Variants in MX2 observed in about 807,000 individuals in gnomAD.
MX2 encodes interferon-induced GTP-binding protein Mx2.
A neutral mutation model predicts 74.0 loss-of-function variants in MX2; 51 were observed. The observed-to-expected ratio is 0.69, with a 90% CI of 0.55 to 0.87. MX2 has a LOEUF of 0.87. Among genes scored for constraint, MX2 ranks in the 40% least tolerant of loss-of-function variants. The pLI is 0.00. For missense variants in MX2, 832 were observed against 908.7 expected, an observed-to-expected ratio of 0.92 and a Z score of 1.09; for synonymous variants, 369 against 339.3, an observed-to-expected ratio of 1.09 and a Z score of -0.96.
intron 7 of MX2, 21 bp downstream of exon 7, chr21:41,395,806 T>G (rs440364): frequency 1.2e-6 from 2 of 1,612,912 alleles, no homozygotes; most frequent in Non-Finnish European, 1.7e-6. Flanking sequence ...TCAGGAAAGC[T>G]CTGGAATTAG....
intron 1 of MX2, among the ~76,000 whole-genome samples, chr21:41,369,302 G>A (rs890286040): frequency 2.0e-5 from 3 of 152,184 alleles, no homozygotes; most frequent in Non-Finnish European, 4.4e-5. Flanking sequence ...TCCTCCCAGT[G>A]AGGAGGGACC....
chr21:41,377,371 G>GT (rs1226413910), intron 2 of MX2, among the ~76,000 whole-genome samples: 1 of 152,206 alleles, frequency 6.6e-6, no homozygotes, highest in Non-Finnish European at 1.5e-5. Context: ...GGGCTTCTGT[G>GT]TGCGGGGGTC....
At chr21:41,381,684 CAAAA>C (rs57350601) in intron 4 of MX2, among the ~76,000 whole-genome samples, 7 of 58,444 alleles carry the variant, frequency 1.2e-4, no homozygotes, top group Admixed American at 1.1e-3. Context: ...GACTCTGTCT[CAAAA>C]AAAAAAAAAA....
rs779257848 is a variant in MX2, at chr21:41,376,902, A to G, written c.-5A>G. 14 of 1,613,498 alleles carry G rather than the reference A, an allele frequency of 8.7e-6. No individual in the cohort carries two copies. The highest frequency in any genetic ancestry group is 1.2e-5 in the Non-Finnish European group (14 of 1,179,656). On this transcript the variant is annotated 5_prime_UTR_variant, in exon 2 of 14. Coordinates refer to ENST00000330714, the MANE Select transcript of MX2 (RefSeq NM_002463.2). The stretch of plus-strand genomic sequence containing the variant: ...CATCCCCCAGCTCTGACAGGGAGAC[A>G]GCACATGTCTAAGGCCCACAAGCCT...
At chr21:41,375,930 C>T (rs900338081) in intron 1 of MX2, among the ~76,000 whole-genome samples, 4 of 152,212 alleles carry the variant, frequency 2.6e-5, no homozygotes, top group African/African-American at 4.8e-5. Context: ...GTCATTGGCC[C>T]TCCCGGATGT....
Position 41,402,425 on chromosome 21 carries a change from G to GT in MX2, c.1573+297_1573+298insT, listed in dbSNP as rs1316983379. On this transcript the variant is annotated intron_variant, in intron 11 of 13. Transcript: ENST00000330714. This position sits in a 1 kb window ranked among gnomAD's most constrained non-coding sequence, Gnocchi z 4.5. The stretch of plus-strand genomic sequence containing the variant: ...ATCGCTGTCCTTCAAACACGTGGAG[G>GT]AGGCGGGGAAGATGGTTTCTCTTGT... 2.0e-5 allele frequency among the ~76,000 whole-genome samples: 3 copies of GT among 152,230 alleles called. No homozygotes were observed. The highest frequency in any genetic ancestry group is 7.2e-5 in the African/African-American group (3 of 41,464).
intron 8 of MX2, 80 bp from the exon 9 acceptor site, chr21:41,398,817 G>T: frequency 1.3e-6 from 2 of 1,544,876 alleles, no homozygotes; most frequent in Non-Finnish European, 1.8e-6. Flanking sequence ...TGCTTTAAAG[G>T]GCTCCTACTC....
intron 6 of MX2, among the ~76,000 whole-genome samples, chr21:41,393,153 A>G (rs1051646910): frequency 5.3e-5 from 8 of 151,816 alleles, no homozygotes; most frequent in African/African-American, 1.9e-4. Flanking sequence ...AAGAAAAAAA[A>G]AAGAAAATTG....
rs533140262 is a variant in MX2 at position 41,409,069 on chromosome 21, T to G, written c.*836T>G. 6.6e-6 allele frequency: 1 copy of G among 152,220 alleles called. No individual in the cohort carries two copies. Among genetic ancestry groups the G allele is most frequent in the South Asian group, 2.1e-4 (1 of 4,820 alleles). 9.4% of individuals were successfully genotyped at this position (152,220 alleles called of 1,614,324 possible). A position where few individuals can be genotyped will look rare whatever the true frequency, so the allele number is the denominator to read the frequency against. Reference sequence around the variant, plus strand: ...GGGAGACCCTGTCTCTAAAAAAATTTGTTTGTAAGTAGCCAGACATGGTGG... The same window carrying G: ...GGGAGACCCTGTCTCTAAAAAAATTGGTTTGTAAGTAGCCAGACATGGTGG... On this transcript the variant is annotated 3_prime_UTR_variant, in exon 14 of 14. Coordinates refer to ENST00000330714, the MANE Select transcript of MX2 (RefSeq NM_002463.2).
chr21:41,401,685 G>GTTTTT (rs5844074), intron 10 of MX2: 29 of 190,888 alleles, frequency 1.5e-4, no homozygotes, highest in South Asian at 5.1e-4. Context: ...TTCTAATCAG[G>GTTTTT]TTTTTTTTTT....
At chr21:41,390,085 G>A (rs2145922915) in intron 5 of MX2, 1 of 154,782 alleles carries the variant, frequency 6.5e-6, no homozygotes, top group Admixed American at 6.3e-5. Context: ...CTGCCTCTGG[G>A]GAACTGTGTG....
At position 41,388,412 on chromosome 21, in the gene MX2, G is replaced by A. The variant is rs571426754; in HGVS notation, c.733-2153G>A. 2.6e-5 allele frequency among the ~76,000 whole-genome samples: 4 copies of A among 152,142 alleles called. No homozygotes were observed. The highest frequency in any genetic ancestry group is 6.6e-5 in the Admixed American group (1 of 15,266). Reference sequence around the variant, plus strand: ...CTTCCCACTGCCCGGTGCTCTGCCCGCATGGCTCTCCGCAGAGGGCATCCT... The same window carrying A: ...CTTCCCACTGCCCGGTGCTCTGCCCACATGGCTCTCCGCAGAGGGCATCCT... On this transcript the variant is annotated intron_variant, in intron 5 of 13. Transcript: ENST00000330714. This position sits in a 1 kb window ranked among gnomAD's most constrained non-coding sequence, Gnocchi z 4.0.
chr21:41,376,268 T>C (rs1315069456), intron 1 of MX2, among the ~76,000 whole-genome samples: 1 of 152,164 alleles, frequency 6.6e-6, no homozygotes, highest in Non-Finnish European at 1.5e-5. Flanking sequence ...GTGTGGTGGC[T>C]CACGACTGTA....
At position 41,408,047 on chromosome 21, in the gene MX2, C is replaced by T. The variant is rs370470949; in HGVS notation, c.1962C>T (p.Leu654=). ...QIPFIIQYFM[L]RENGDSLQKA... ...CATTTATAATTCAGTATTTTATGCT[C>T]CGAGAGAATGGTGACTCCTTGCAGA... Residue 654 remains leucine, a synonymous_variant, in exon 14 of 14, where the codon CTC becomes CTT. Transcript: ENST00000330714. 1 of 1,614,134 alleles carries T rather than the reference C, an allele frequency of 6.2e-7. No individual in the cohort carries two copies. The highest frequency in any genetic ancestry group is 8.5e-7 in the Non-Finnish European group (1 of 1,180,016).
rs188810672 is a variant in MX2 at position 41,408,417 on chromosome 21, C to T, written c.*184C>T. On this transcript the variant is annotated 3_prime_UTR_variant, in exon 14 of 14. Coordinates refer to ENST00000330714, the MANE Select transcript of MX2 (RefSeq NM_002463.2). ...CACACAGGCTCAGCTCTCTCCACCACCCAGCTCTTCCCTGACCTTCACGAA... is the reference window on the plus strand; with the variant it reads ...CACACAGGCTCAGCTCTCTCCACCATCCAGCTCTTCCCTGACCTTCACGAA... 7.9e-6 allele frequency: 6 copies of T among 757,486 alleles called. No individual in the cohort carries two copies. The highest frequency in any genetic ancestry group is 5.5e-5 in the East Asian group (2 of 36,674). The allele number at this position is 757,486 out of a possible 1,614,324, so 46.9% of individuals were successfully genotyped here.
intron 1 of MX2, among the ~76,000 whole-genome samples, chr21:41,375,807 A>C (rs948876151): frequency 2.6e-5 from 4 of 152,168 alleles, no homozygotes; most frequent in Non-Finnish European, 4.4e-5. Context: ...TGGGGACACC[A>C]TTCAGCCTCC....
chr21:41,375,358 G>T lies in MX2; in HGVS notation c.-71-1478G>T, dbSNP rs947348831. On this transcript the variant is annotated intron_variant, in intron 1 of 13. Coordinates refer to ENST00000330714, the MANE Select transcript of MX2 (RefSeq NM_002463.2). ...CAGAGTCGTACCCTTGTATGAGTCT[G>T]CTCAGGCTGCCATGGCAAAAGACCA... Among the ~76,000 whole-genome samples, 75 of 152,272 alleles carry T rather than the reference G, an allele frequency of 4.9e-4. 1 individual carries two copies. Among genetic ancestry groups the T allele is most frequent in the Admixed American group, 4.9e-3 (75 of 15,294 alleles).
intron 1 of MX2, among the ~76,000 whole-genome samples, chr21:41,367,879 G>C (rs976085262): frequency 1.3e-5 from 2 of 152,130 alleles, no homozygotes; most frequent in African/African-American, 4.8e-5. Context: ...CTCCCTCCTG[G>C]ATTCTGACCT....
At chr21:41,378,580 G>T (rs1205192878) in intron 3 of MX2, among the ~76,000 whole-genome samples, 1 of 152,226 alleles carries the variant, frequency 6.6e-6, no homozygotes, top group Non-Finnish European at 1.5e-5. Context: ...TTAGGATCAT[G>T]ATATGAGACA....
Sources: allele counts gnomAD v4.1 joint callset (sites outside exome capture counted in the v4.1 genomes callset), GRCh38; gene constraint gnomAD v4.1.1; non-coding constraint Gnocchi (gnomAD v3.1); transcripts MANE v1.5; gene names NCBI Gene and HGNC (gene_info 2026-07-23, HGNC 2026-07-21).